RGS6: variants seen among roughly 807,000 people sequenced by gnomAD.
RGS6 encodes the protein regulator of G-protein signaling 6.
A neutral mutation model predicts 78.5 loss-of-function variants in RGS6; 30 were observed. The ratio of observed to expected loss-of-function variants is 0.38; its 90% confidence interval spans 0.29 to 0.52. The LOEUF is 0.52. Ranked by LOEUF, RGS6 falls within the 20% of genes least tolerant of loss-of-function variation. The pLI is 0.85. For synonymous variants in RGS6, 206 were observed against 206.0 expected (o/e 1.00, Z 0.00); for missense variants, 495 against 609.7 (o/e 0.81, Z 1.98).
chr14:72,419,013 G>A (rs1817546390), intron 3 of RGS6, among the ~76,000 whole-genome samples: 1 of 152,190 alleles, frequency 6.6e-6, no homozygotes, highest in Non-Finnish European at 1.5e-5. Flanking sequence ...CAAAGCTGGA[G>A]CCCACCCAGG....
chr14:72,184,229 G>C (rs975965016), intron 2 of RGS6, among the ~76,000 whole-genome samples: 2 of 151,898 alleles, frequency 1.3e-5, no homozygotes, highest in Admixed American at 1.3e-4. Flanking sequence ...CAGTGCTCTC[G>C]CAAATATTTA....
intron 2 of RGS6, among the ~76,000 whole-genome samples, chr14:72,117,895 G>A (rs1321742936): frequency 1.3e-5 from 2 of 151,558 alleles, no homozygotes; most frequent in South Asian, 2.1e-4. Context: ...CCATCTATTC[G>A]GAGTTGTCAA....
At chr14:72,611,521 C>G in the RGS6 span, among the ~76,000 whole-genome samples, 36 of 152,192 alleles carry the variant, frequency 2.4e-4, no homozygotes, top group African/African-American at 7.5e-4. Flanking sequence ...CCCACCCCCC[C>G]AGTCCCGCTC....
intron 2 of RGS6, among the ~76,000 whole-genome samples, chr14:72,299,242 C>T (rs2065545536): frequency 6.6e-6 from 1 of 152,160 alleles, no homozygotes; most frequent in Admixed American, 6.5e-5. Context: ...ATCACCCTAA[C>T]AAGAAATCGT....
chr14:72,587,388 C>T, the RGS6 span, among the ~76,000 whole-genome samples: 32 of 152,092 alleles, frequency 2.1e-4, 1 homozygote, highest in Admixed American at 1.2e-3. Flanking sequence ...GAAGCTGTGA[C>T]GGTTCTATCA....
chr14:72,273,705 T>C (rs1433263691), intron 2 of RGS6, among the ~76,000 whole-genome samples: 1 of 152,228 alleles, frequency 6.6e-6, no homozygotes, highest in Non-Finnish European at 1.5e-5. Flanking sequence ...CAGAGCAGAC[T>C]GAAAGAATAC....
At chr14:72,402,790 G>GTTTTTTTTTTTTTTTTTTTTTTTTT (rs1167831473) in intron 3 of RGS6, among the ~76,000 whole-genome samples, 1 of 75,800 alleles carries the variant, frequency 1.3e-5, no homozygotes. Flanking sequence ...TGTTTTTTTG[G>GTTTTTTTTTTTTTTTTTTTTTTTTT]TTTTTTTTTT....
chr14:71,948,088 C>G (rs189395290), intron 1 of RGS6, among the ~76,000 whole-genome samples: 87 of 152,342 alleles, frequency 5.7e-4, no homozygotes, highest in African/African-American at 1.9e-3. Context: ...GATCCAGGGA[C>G]TTAGATGATG....
intron 2 of RGS6, among the ~76,000 whole-genome samples, chr14:71,982,814 G>A (rs560346782): frequency 3.2e-4 from 48 of 152,266 alleles, no homozygotes; most frequent in Admixed American, 3.0e-3. Flanking sequence ...CCTCAAACAT[G>A]TTTAACAAAA....
At chr14:72,348,761 T>C (rs2078538844) in intron 2 of RGS6, among the ~76,000 whole-genome samples, 1 of 152,248 alleles carries the variant, frequency 6.6e-6, no homozygotes, top group Admixed American at 6.5e-5. Flanking sequence ...ACACTGAATG[T>C]CAAGTATTTT....
chr14:72,168,235 C>T (rs528993221), intron 2 of RGS6, among the ~76,000 whole-genome samples: 1 of 152,224 alleles, frequency 6.6e-6, no homozygotes, highest in African/African-American at 2.4e-5. Context: ...CTCAGGTGAC[C>T]CAGCCTACAT....
At chr14:72,543,818 C>T (rs572333287) in intron 17 of RGS6, among the ~76,000 whole-genome samples, 1 of 152,374 alleles carries the variant, frequency 6.6e-6, no homozygotes, top group Non-Finnish European at 1.5e-5. Flanking sequence ...TCACTGCAAC[C>T]TCTGCCTCCT....
chr14:71,976,303 C>T (rs1045562837), intron 2 of RGS6, among the ~76,000 whole-genome samples: 4 of 148,856 alleles, frequency 2.7e-5, no homozygotes, highest in Non-Finnish European at 1.5e-5. Context: ...GGTACATGTG[C>T]ACATTGTGCA....
At chr14:72,121,140 C>T (rs2096040600) in intron 2 of RGS6, among the ~76,000 whole-genome samples, 1 of 152,120 alleles carries the variant, frequency 6.6e-6, no homozygotes, top group Non-Finnish European at 1.5e-5. Context: ...CTGGCTTCTC[C>T]CTCCCTGGAC....
Position 72,397,413 on chromosome 14 carries a change from T to C in RGS6, c.184+45219T>C, listed in dbSNP as rs2091569325. Among the ~76,000 whole-genome samples the C allele has an allele frequency of 7.2e-5, 11 of 152,034 alleles. No homozygotes were observed. In the South Asian group the frequency reaches 2.3e-3, roughly 32 times the overall value. ...CACATTGATTTTGTATCCTGAGACT[T>C]TGCTGAAGTTGCTTATCAGCTTAAG... is the stretch of plus-strand genomic sequence containing the variant. On this transcript the variant is annotated intron_variant, in intron 3 of 17. Transcript: ENST00000553525.
the RGS6 span, among the ~76,000 whole-genome samples, chr14:71,907,891 T>C: frequency 3.3e-5 from 5 of 152,154 alleles, no homozygotes; most frequent in Admixed American, 1.3e-4. Flanking sequence ...AGCATACCCA[T>C]TGGTGCACAG....
In RGS6 at chr14:72,474,716, G is replaced by A; in HGVS notation, c.693+17G>A. ...GTTAAAAAGGTTCGCTAGTTTAGCT[G>A]AGTTAAAAATTCCTGATGTGAATAG... On this transcript the variant is annotated intron_variant, in intron 10 of 17. Coordinates refer to ENST00000553525, the MANE Select transcript of RGS6 (RefSeq NM_001204424.2). 2 of 1,607,492 alleles carry A rather than the reference G, an allele frequency of 1.2e-6. No individual in the cohort carries two copies. The highest frequency in any genetic ancestry group is 1.7e-6 in the Non-Finnish European group (2 of 1,177,162).
rs111329854 is a variant in RGS6, at chr14:72,027,995, G to A, written c.84+63120G>A. Among the ~76,000 whole-genome samples, 1,040 of 152,254 alleles carry A rather than the reference G, an allele frequency of 6.8e-3. 14 individuals carry two copies. The highest frequency in any genetic ancestry group is 0.023 in the African/African-American group (976 of 41,544). On this transcript the variant is annotated intron_variant, in intron 2 of 17. Coordinates refer to ENST00000553525, the MANE Select transcript of RGS6 (RefSeq NM_001204424.2). The stretch of plus-strand genomic sequence containing the variant: ...AATGCCATACACACTCATTGTTTTC[G>A]TTTGGGGACTGCCGCTGTGCTGGGT...
chr14:71,914,777 G>GT, the RGS6 span, among the ~76,000 whole-genome samples: 1 of 151,680 alleles, frequency 6.6e-6, no homozygotes, highest in Non-Finnish European at 1.5e-5. Context: ...GCACACTATT[G>GT]TTTTTGTACC....
Sources: allele counts gnomAD v4.1 joint callset (sites outside exome capture counted in the v4.1 genomes callset), GRCh38; gene constraint gnomAD v4.1.1; transcripts MANE v1.5; gene names NCBI Gene and HGNC (gene_info 2026-07-23, HGNC 2026-07-21).